The following CDKL4 variants were observed in gnomAD, a reference collection of about 807,000 sequenced individuals.
The protein encoded by CDKL4 is cyclin-dependent kinase-like 4.
In CDKL4, 44 loss-of-function variants were observed where a neutral mutation model predicts 42.0. That is an observed-to-expected ratio of 1.05 (90% confidence interval 0.82 to 1.35). The LOEUF (loss-of-function observed/expected upper bound fraction) is 1.35, where lower values mean the gene tolerates loss of function less well. Ranked by LOEUF, CDKL4 falls within the 40% of genes most tolerant of loss-of-function variation. The pLI is 0.00. For synonymous variants in CDKL4, 120 were observed against 121.6 expected (o/e 0.99, Z 0.09); for missense variants, 393 against 369.9 (o/e 1.06, Z -0.51).
chr2:39,185,437 T>G lies in CDKL4; in HGVS notation c.736-790A>C, dbSNP rs1460016659. Among the ~76,000 whole-genome samples, 3 of 21,672 alleles carry G rather than the reference T, an allele frequency of 1.4e-4. 1 individual carries two copies. The highest frequency in any genetic ancestry group is 2.5e-4 in the African/African-American group (3 of 11,850). The allele number at this position is 21,672 out of a possible 152,430, so 14.2% of individuals were successfully genotyped here. A position where few individuals can be genotyped will look rare whatever the true frequency, so the allele number is the denominator to read the frequency against. On this transcript the variant is annotated intron_variant, in intron 7 of 9. Transcript: ENST00000451199. ...ATACATATATATATACATATGTATATATACATGTATATATACATATGTGTA... is the reference window on the plus strand; with the variant it reads ...ATACATATATATATACATATGTATAGATACATGTATATATACATATGTGTA...
chr2:39,184,720 GTA>G (rs1365887272), intron 7 of CDKL4, 73 bp from the exon 8 acceptor site: 7 of 940,932 alleles, frequency 7.4e-6, no homozygotes, highest in South Asian at 2.8e-5. Flanking sequence ...ATGTGCGTAT[GTA>G]TGTGTGTGTG....
intron 1 of CDKL4, among the ~76,000 whole-genome samples, chr2:39,240,677 T>TAA (rs768356807): frequency 2.3e-5 from 2 of 87,930 alleles, no homozygotes; most frequent in East Asian, 3.0e-4. Flanking sequence ...AGATGAACAT[T>TAA]AAAAAAAAAA....
chr2:39,195,641 AT>A (rs770948985), intron 5 of CDKL4, among the ~76,000 whole-genome samples: 1,389 of 131,398 alleles, frequency 0.011, 3 homozygotes, highest in Middle Eastern at 0.017. Flanking sequence ...TTTTTAATTA[AT>A]TTTTTTTTTT....
At chr2:39,191,092 C>T (rs1017203726) in intron 5 of CDKL4, among the ~76,000 whole-genome samples, 5 of 152,060 alleles carry the variant, frequency 3.3e-5, no homozygotes, top group African/African-American at 1.2e-4. Flanking sequence ...CAACTTTTCC[C>T]ACATCCATCA....
chr2:39,222,445 C>T (rs1011018522), intron 3 of CDKL4, among the ~76,000 whole-genome samples: 18 of 151,940 alleles, frequency 1.2e-4, no homozygotes, highest in African/African-American at 4.4e-4. Flanking sequence ...CAAAAATTAG[C>T]CGGGCATGGT....
chr2:39,179,162 CA>C, intron 9 of CDKL4, 24 bp downstream of exon 9: 1 of 1,587,110 alleles, frequency 6.3e-7, no homozygotes, highest in Middle Eastern at 1.7e-4. Flanking sequence ...ATTTTTATAG[CA>C]CTTTAACTTT....
intron 1 of CDKL4, among the ~76,000 whole-genome samples, chr2:39,230,507 T>C (rs940458015): frequency 4.6e-5 from 7 of 152,232 alleles, no homozygotes; most frequent in African/African-American, 1.4e-4. Context: ...GTGATTTCTA[T>C]GGAAATACTG....
chr2:39,245,737 G>C (rs1679888650), upstream of CDKL4, among the ~76,000 whole-genome samples: 1 of 152,234 alleles, frequency 6.6e-6, no homozygotes, highest in Admixed American at 6.5e-5. Context: ...CCTGGGCAGA[G>C]ACCTTCAGTT....
At chr2:39,198,384 A>G (rs1188291547) in intron 5 of CDKL4, among the ~76,000 whole-genome samples, 1 of 152,176 alleles carries the variant, frequency 6.6e-6, no homozygotes, top group Non-Finnish European at 1.5e-5. Context: ...TAGTAACACA[A>G]TAATAGTGGA....
intron 9 of CDKL4, chr2:39,178,714 T>A (rs374791020): frequency 3.1e-6 from 5 of 1,609,294 alleles, no homozygotes; most frequent in Non-Finnish European, 4.2e-6. Context: ...ACCTGGCAGA[T>A]CTTGGTTTTG....
intron 3 of CDKL4, among the ~76,000 whole-genome samples, chr2:39,225,106 A>G (rs920737689): frequency 6.6e-6 from 1 of 152,152 alleles, no homozygotes; most frequent in African/African-American, 2.4e-5. Context: ...TAGTTTTACC[A>G]TTGAGTATAA....
At chr2:39,198,886 A>G (rs1676679827) in intron 5 of CDKL4, among the ~76,000 whole-genome samples, 1 of 152,156 alleles carries the variant, frequency 6.6e-6, no homozygotes, top group South Asian at 2.1e-4. Flanking sequence ...AAAAAGTCTG[A>G]AAGAGCACAA....
chr2:39,184,067 G>A (rs1675590299), intron 8 of CDKL4, among the ~76,000 whole-genome samples: 1 of 152,152 alleles, frequency 6.6e-6, no homozygotes, highest in Non-Finnish European at 1.5e-5. Flanking sequence ...GCTAGATACT[G>A]GAATCTGTAT....
At chr2:39,192,878 C>G (rs1163972266) in intron 5 of CDKL4, among the ~76,000 whole-genome samples, 1 of 152,082 alleles carries the variant, frequency 6.6e-6, no homozygotes, top group Non-Finnish European at 1.5e-5. Flanking sequence ...ATAACCCCAG[C>G]ACTTTGGGAG....
chr2:39,170,356 A>G, the CDKL4 span, among the ~76,000 whole-genome samples: 3 of 151,938 alleles, frequency 2.0e-5, no homozygotes, highest in Non-Finnish European at 4.4e-5. Flanking sequence ...ACATATGCAG[A>G]ACATTAACTT....
chr2:39,179,943 T>C (rs1383582151), intron 8 of CDKL4, among the ~76,000 whole-genome samples: 1 of 152,122 alleles, frequency 6.6e-6, no homozygotes, highest in Admixed American at 6.5e-5. Flanking sequence ...CCTTCTATAT[T>C]TGAGACCATT....
chr2:39,192,189 T>G (rs959621363), intron 5 of CDKL4, among the ~76,000 whole-genome samples: 1 of 152,246 alleles, frequency 6.6e-6, no homozygotes, highest in African/African-American at 2.4e-5. Flanking sequence ...CTGTTTTATT[T>G]GTTTGGAACA....
chr2:39,218,271 C>G (rs1678063414), intron 3 of CDKL4, among the ~76,000 whole-genome samples: 1 of 151,990 alleles, frequency 6.6e-6, no homozygotes. Flanking sequence ...GAGGCTGAGG[C>G]AGGAGGATTG....
intron 5 of CDKL4, among the ~76,000 whole-genome samples, chr2:39,200,407 T>C (rs1277301870): frequency 6.6e-6 from 1 of 151,956 alleles, no homozygotes; most frequent in African/African-American, 2.4e-5. Flanking sequence ...AAGACGACCA[T>C]ACTGCCAAAA....
Sources: allele counts gnomAD v4.1 joint callset (sites outside exome capture counted in the v4.1 genomes callset), GRCh38; gene constraint gnomAD v4.1.1; transcripts MANE v1.5; gene names NCBI Gene and HGNC (gene_info 2026-07-23, HGNC 2026-07-21).